The following PCDH15 variants were observed in gnomAD, a reference collection of about 807,000 sequenced individuals.
PCDH15 encodes protocadherin-15.
Under a neutral mutation model 178.5 loss-of-function variants are expected in PCDH15, and 129 were observed. The observed-to-expected ratio is 0.72, with a 90% confidence interval of 0.63 to 0.84. The LOEUF (loss-of-function observed/expected upper bound fraction) is 0.84. Among genes scored for constraint, PCDH15 ranks in the 40% least tolerant of loss-of-function variants. The pLI, the probability that PCDH15 is intolerant of heterozygous loss-of-function variation, is 0.00. For synonymous variants in PCDH15, 800 were observed against 732.0 expected (o/e 1.09, Z -1.50); for missense variants, 2,230 against 2,099.9 (o/e 1.06, Z -1.21).
chr10:54,624,147 A>G (rs2093470564), intron 2 of PCDH15, among the ~76,000 whole-genome samples: 1 of 152,164 alleles, frequency 6.6e-6, no homozygotes, highest in Non-Finnish European at 1.5e-5. Context: ...TTGTTTCTCC[A>G]TCGAAGTACT....
chr10:54,780,110 C>G (rs1013191241), intron 1 of PCDH15, among the ~76,000 whole-genome samples: 12 of 152,102 alleles, frequency 7.9e-5, no homozygotes, highest in Admixed American at 4.6e-4. Context: ...TCAAATAATT[C>G]TTGCTGTCAT....
At chr10:54,206,996 G>A (rs981232402) in intron 10 of PCDH15, among the ~76,000 whole-genome samples, 2 of 151,960 alleles carry the variant, frequency 1.3e-5, no homozygotes. Context: ...AGACAAGAAG[G>A]CCTTGGCAAA....
intron 13 of PCDH15, among the ~76,000 whole-genome samples, chr10:54,158,586 C>T (rs997816316): frequency 6.6e-6 from 1 of 152,142 alleles, no homozygotes; most frequent in Admixed American, 6.5e-5. Flanking sequence ...CAGTTTACTA[C>T]TCTCTTTAAT....
intron 5 of PCDH15, among the ~76,000 whole-genome samples, chr10:54,367,417 T>C: frequency 6.6e-6 from 1 of 152,066 alleles, no homozygotes; most frequent in East Asian, 1.9e-4. Flanking sequence ...GTGGAAACAG[T>C]CAAATCACAT....
Position 53,806,423 on chromosome 10 carries a change from G to A in PCDH15, c.*156C>T. ...ACGATTAATTGATAACAATGTGAGT[G>A]CAAATCTGTCTCTTAAAATTTTAAA... On this transcript the variant is annotated 3_prime_UTR_variant, in exon 38 of 38. Coordinates refer to ENST00000644397, the MANE Select transcript of PCDH15 (RefSeq NM_001384140.1). 1 of 647,136 alleles carries A rather than the reference G, an allele frequency of 1.5e-6. No homozygotes were observed. Among genetic ancestry groups the A allele is most frequent in the Non-Finnish European group, 2.6e-6 (1 of 390,988 alleles). 40.1% of individuals were successfully genotyped at this position (647,136 alleles called of 1,614,324 possible).
chr10:54,933,550 T>A (rs1837834039), intron 2 of PCDH15, among the ~76,000 whole-genome samples: 1 of 152,280 alleles, frequency 6.6e-6, no homozygotes, highest in African/African-American at 2.4e-5. Flanking sequence ...CACTGTTCTA[T>A]CCTTGAAAAT....
intron 2 of PCDH15, among the ~76,000 whole-genome samples, chr10:54,931,947 C>T (rs1412941175): frequency 6.6e-6 from 1 of 152,100 alleles, no homozygotes; most frequent in Non-Finnish European, 1.5e-5. Context: ...ATATTAAAGA[C>T]CACTCTGCTT....
At chr10:55,389,698 CA>C (rs1837747562) in intron 2 of PCDH15, among the ~76,000 whole-genome samples, 1 of 152,022 alleles carries the variant, frequency 6.6e-6, no homozygotes, top group African/African-American at 2.4e-5. Context: ...AAGTTACCTA[CA>C]AAAACCTCTT....
chr10:54,421,919 T>C (rs1955541913), intron 3 of PCDH15, among the ~76,000 whole-genome samples: 1 of 107,756 alleles, frequency 9.3e-6, no homozygotes, highest in Admixed American at 9.0e-5. Context: ...ACACTATATA[T>C]ATATATACAC....
chr10:54,679,217 A>G (rs1591007380), intron 1 of PCDH15, among the ~76,000 whole-genome samples: 1 of 151,568 alleles, frequency 6.6e-6, no homozygotes, highest in Middle Eastern at 3.4e-3. Flanking sequence ...AAAAACATAC[A>G]ATTGACAATA....
At chr10:55,010,928 C>T (rs769778695) in intron 2 of PCDH15, among the ~76,000 whole-genome samples, 2 of 151,944 alleles carry the variant, frequency 1.3e-5, no homozygotes, top group African/African-American at 2.4e-5. Flanking sequence ...CATAGGAAAA[C>T]CCATTCAAAT....
In PCDH15 at chr10:54,217,710, G is replaced by A. The variant is rs1312695241; in HGVS notation, c.986-3662C>T. ...TATATATAATGGCCAATATAGAAGC[G>A]ATGAATATTTCTAATGTTCAGACTA... On this transcript the variant is annotated intron_variant, in intron 9 of 37. Transcript: ENST00000644397. Among the ~76,000 whole-genome samples the A allele has an allele frequency of 3.3e-5, 5 of 151,972 alleles. 1 individual carries two copies. The South Asian group carries it at 8.3e-4, about 25-fold the overall frequency.
intron 1 of PCDH15, among the ~76,000 whole-genome samples, chr10:54,704,482 C>T (rs2132274960): frequency 6.6e-6 from 1 of 152,004 alleles, no homozygotes; most frequent in African/African-American, 2.4e-5. Context: ...AAACAAAAAC[C>T]ACACAAATAA....
intron 3 of PCDH15, among the ~76,000 whole-genome samples, chr10:54,893,264 C>A (rs1460684811): frequency 6.6e-6 from 1 of 151,562 alleles, no homozygotes. Flanking sequence ...ATAATTAATA[C>A]CCAGATTTAA....
At chr10:53,885,008 C>T (rs969372728) in intron 26 of PCDH15, among the ~76,000 whole-genome samples, 1 of 152,050 alleles carries the variant, frequency 6.6e-6, no homozygotes, top group African/African-American at 2.4e-5. Context: ...AGAGCTGCTT[C>T]GTTTTTCAAT....
At chr10:53,831,145 A>T in intron 30 of PCDH15, 170 bp downstream of exon 30, 1 of 785,434 alleles carries the variant, frequency 1.3e-6, no homozygotes, top group Non-Finnish European at 2.3e-6. Flanking sequence ...GGGAGTTTGT[A>T]CTGTTTTCCT....
intron 10 of PCDH15, among the ~76,000 whole-genome samples, chr10:54,210,510 C>G (rs7893562): frequency 0.19 from 29,422 of 151,752 alleles, 5,508 homozygotes; most frequent in African/African-American, 0.49. Context: ...ACTTTAGGGG[C>G]CAAAAGGCTG....
At chr10:55,121,004 T>G (rs1837753134) in intron 2 of PCDH15, among the ~76,000 whole-genome samples, 1 of 152,124 alleles carries the variant, frequency 6.6e-6, no homozygotes, top group South Asian at 2.1e-4. Context: ...GATGCAGTGC[T>G]GCCCTTGAGA....
intron 14 of PCDH15, among the ~76,000 whole-genome samples, chr10:54,140,035 G>GTACAAAGAAAA (rs2043246791): frequency 6.6e-6 from 1 of 152,010 alleles, no homozygotes; most frequent in African/African-American, 2.4e-5. Flanking sequence ...CTTCATGCCT[G>GTACAAAGAAAA]TACAAAGAAA....
Sources: gnomAD v4.1 joint callset for allele counts (sites outside exome capture counted in the v4.1 genomes callset) on GRCh38, gnomAD v4.1.1 for gene constraint, MANE v1.5 for transcripts, NCBI Gene and HGNC (gene_info 2026-07-23, HGNC 2026-07-21) for gene names.